The following RANBP2 variants were observed in gnomAD, a reference collection of about 807,000 sequenced individuals.
The protein encoded by RANBP2 is RAN binding protein 2, also known as E3 SUMO-protein ligase RanBP2.
A neutral mutation model predicts 303.6 loss-of-function variants in RANBP2; 57 were observed. That is an observed-to-expected ratio of 0.19 (90% confidence interval 0.15 to 0.23). The LOEUF is 0.23. RANBP2 is among the 10% of genes least tolerant of loss of function. The pLI, the probability that RANBP2 is intolerant of heterozygous loss-of-function variation, is 1.00. For missense variants in RANBP2, 3,138 were observed against 3,780.8 expected, an observed-to-expected ratio of 0.83 and a Z score of 4.46; for synonymous variants, 1,167 against 1,301.5, an observed-to-expected ratio of 0.90 and a Z score of 2.23.
At position 108,764,367 on chromosome 2, in the gene RANBP2, A is replaced by G; in HGVS notation, c.3828A>G (p.Pro1276=). 1 of 1,613,958 alleles carries G rather than the reference A, an allele frequency of 6.2e-7. No homozygotes were observed. The highest frequency in any genetic ancestry group is 1.1e-5 in the South Asian group (1 of 91,082). ...CCCTTGATTATGCAGATGAGTTGCC[A>G]AAACCAGAACAACTTGCTATTAGGT... The part of the protein sequence containing the change: ...WHALDYADEL[P]KPEQLAIRFK... Residue 1276 remains proline (P), a synonymous_variant, in exon 20 of 29, where the codon CCA becomes CCG. Coordinates refer to ENST00000283195, the MANE Select transcript of RANBP2 (RefSeq NM_006267.5).
the RANBP2 span, chr2:108,912,712 G>A: frequency 4.4e-6 from 7 of 1,601,930 alleles, no homozygotes; most frequent in South Asian, 8.0e-5. Context: ...ACAGGGTGCT[G>A]CTGCCCGAGG....
chr2:108,794,556 T>C, the RANBP2 span: 2 of 1,610,636 alleles, frequency 1.2e-6, no homozygotes, highest in Non-Finnish European at 1.7e-6. Context: ...TGCCAACTAA[T>C]ACGACCTCAT....
the RANBP2 span, among the ~76,000 whole-genome samples, chr2:109,054,115 G>C: frequency 6.6e-6 from 1 of 152,142 alleles, no homozygotes; most frequent in East Asian, 1.9e-4. Context: ...ATCCATCTAT[G>C]TGCCATGCTC....
the RANBP2 span, among the ~76,000 whole-genome samples, chr2:109,361,374 T>C: frequency 6.6e-6 from 1 of 152,248 alleles, no homozygotes; most frequent in African/African-American, 2.4e-5. Flanking sequence ...ATTGAGATTG[T>C]AGAGAATTGG....
chr2:109,360,953 C>T, the RANBP2 span, among the ~76,000 whole-genome samples: 1 of 152,124 alleles, frequency 6.6e-6, no homozygotes, highest in African/African-American at 2.4e-5. Context: ...ATTAGGTGAA[C>T]TGTAGGTTAT....
chr2:108,912,774 A>T, the RANBP2 span: 1 of 1,580,592 alleles, frequency 6.3e-7, no homozygotes, highest in South Asian at 1.2e-5. Context: ...CCTGCAAGGA[A>T]AATAGAGTCC....
At chr2:109,138,589 C>A in the RANBP2 span, among the ~76,000 whole-genome samples, 2 of 152,212 alleles carry the variant, frequency 1.3e-5, no homozygotes. Context: ...AGCCCCTGGG[C>A]AGCCCGCTGC....
chr2:109,362,585 T>C, the RANBP2 span, among the ~76,000 whole-genome samples: 1 of 152,190 alleles, frequency 6.6e-6, no homozygotes, highest in South Asian at 2.1e-4. Context: ...ATCCAGTAGA[T>C]TGATGGTGCC....
At position 108,767,085 on chromosome 2, in the gene RANBP2, A is replaced by C; in HGVS notation, c.6546A>C (p.Thr2182=). The C allele has an allele frequency of 1.2e-6, 2 of 1,611,122 alleles. No homozygotes were observed. Among genetic ancestry groups the C allele is most frequent in the South Asian group, 2.2e-5 (2 of 90,986 alleles). ...EMKSGLKDFK[T]FLTNDQTKVT... ...AGAGTGGACTGAAAGATTTCAAAAC[A>C]TTTTTGACAAATGATCAAACAAAAG... The change falls in exon 20 of 29, where the codon ACA becomes ACC. Residue 2182 remains threonine, a synonymous_variant. Coordinates refer to ENST00000283195, the MANE Select transcript of RANBP2 (RefSeq NM_006267.5).
At chr2:109,005,421 G>A in the RANBP2 span, among the ~76,000 whole-genome samples, 1 of 152,028 alleles carries the variant, frequency 6.6e-6, no homozygotes, top group Non-Finnish European at 1.5e-5. Context: ...TCCCCAAACT[G>A]CCCTCCAAGT....
chr2:108,929,487 C>T, the RANBP2 span: 23 of 1,207,826 alleles, frequency 1.9e-5, no homozygotes, highest in African/African-American at 3.0e-5. Flanking sequence ...CCAGAAGCTA[C>T]TCTTGCCGGG....
the RANBP2 span, among the ~76,000 whole-genome samples, chr2:108,870,395 T>G: frequency 6.6e-6 from 1 of 152,158 alleles, no homozygotes; most frequent in Non-Finnish European, 1.5e-5. Context: ...GTTGATGCAT[T>G]ACTGGAGTCC....
At chr2:109,053,607 T>G in the RANBP2 span, among the ~76,000 whole-genome samples, 1 of 152,210 alleles carries the variant, frequency 6.6e-6, no homozygotes, top group African/African-American at 2.4e-5. Context: ...TGATGAGTCC[T>G]AGGCTTTGTT....
At chr2:108,871,955 C>T in the RANBP2 span, among the ~76,000 whole-genome samples, 3 of 152,050 alleles carry the variant, frequency 2.0e-5, no homozygotes, top group Non-Finnish European at 2.9e-5. Context: ...TGTGGCTTCT[C>T]CAGGTCTTTT....
the RANBP2 span, among the ~76,000 whole-genome samples, chr2:109,662,610 C>G: frequency 2.0e-5 from 3 of 151,992 alleles, no homozygotes; most frequent in African/African-American, 7.3e-5. Flanking sequence ...AGGGTTTCAT[C>G]ATGTTGGCTA....
chr2:109,035,406 G>A, the RANBP2 span, among the ~76,000 whole-genome samples: 3 of 152,012 alleles, frequency 2.0e-5, no homozygotes, highest in East Asian at 5.8e-4. Flanking sequence ...GAAAGCTGGA[G>A]GAAGGAAGAA....
the RANBP2 span, among the ~76,000 whole-genome samples, chr2:109,025,397 G>T: frequency 6.6e-6 from 1 of 152,158 alleles, no homozygotes; most frequent in East Asian, 1.9e-4. Context: ...TGTTTAAAAA[G>T]ATCTGTTTTT....
chr2:108,814,279 G>T, the RANBP2 span, among the ~76,000 whole-genome samples: 3 of 152,120 alleles, frequency 2.0e-5, no homozygotes, highest in Admixed American at 6.5e-5. Flanking sequence ...AACATTTGGT[G>T]TTTTCAGTTT....
chr2:109,302,462 A>G, the RANBP2 span, among the ~76,000 whole-genome samples: 43,860 of 152,240 alleles, frequency 0.29, 8,597 homozygotes, highest in African/African-American at 0.55. Flanking sequence ...ACCAGGCACA[A>G]CATGTGCCTC....
Sources: allele counts gnomAD v4.1 joint callset (sites outside exome capture counted in the v4.1 genomes callset), GRCh38; gene constraint gnomAD v4.1.1; transcripts MANE v1.5; gene names NCBI Gene and HGNC (gene_info 2026-07-23, HGNC 2026-07-21).